The following BTBD9 variants were observed in gnomAD, a reference collection of about 807,000 sequenced individuals.
BTBD9 encodes the protein BTB domain containing 9, also known as BTB/POZ domain-containing protein 9.
Under a neutral mutation model 64.3 loss-of-function variants are expected in BTBD9, and 49 were observed. The observed-to-expected ratio is 0.76, with a 90% CI of 0.61 to 0.97. BTBD9 has a LOEUF of 0.97. Ranked by LOEUF, BTBD9 falls within the 50% of genes least tolerant of loss-of-function variation. The pLI, the probability that BTBD9 is intolerant of heterozygous loss-of-function variation, is 0.00. For synonymous variants in BTBD9, 260 were observed against 274.7 expected, an observed-to-expected ratio of 0.95 and a Z score of 0.53; for missense variants, 598 against 762.1, an observed-to-expected ratio of 0.78 and a Z score of 2.53.
intron 6 of BTBD9, among the ~76,000 whole-genome samples, chr6:38,381,783 C>T (rs577175689): frequency 3.3e-5 from 5 of 152,230 alleles, no homozygotes; most frequent in Non-Finnish European, 5.9e-5. Context: ...ACTCTACATA[C>T]ACACATACAT....
At chr6:38,494,614 C>G (rs774720574) in intron 6 of BTBD9, among the ~76,000 whole-genome samples, 23 of 152,264 alleles carry the variant, frequency 1.5e-4, no homozygotes, top group Non-Finnish European at 2.5e-4. Context: ...GTAAGCATAT[C>G]TTTTACTCAT....
intron 9 of BTBD9, among the ~76,000 whole-genome samples, chr6:38,254,092 T>G (rs148674781): frequency 6.6e-6 from 1 of 150,652 alleles, no homozygotes; most frequent in South Asian, 2.1e-4. Flanking sequence ...CAGAACTAGG[T>G]GTACCTTCTC....
At chr6:38,403,417 A>G (rs1447390469) in intron 6 of BTBD9, among the ~76,000 whole-genome samples, 2 of 152,244 alleles carry the variant, frequency 1.3e-5, no homozygotes, top group African/African-American at 4.8e-5. Flanking sequence ...AAAAAGGCAT[A>G]AAGAATCTGG....
rs1774034877 is a variant in BTBD9 at position 38,536,684 on chromosome 6, GTTA to G, written c.1154+40913_1154+40915del. ...CTATCATTTGCACAACATGGATGAG[GTTA>G]TTATGTTAAGTGAAATAAGCCAGGC... On this transcript the variant is annotated intron_variant, in intron 6 of 10. Coordinates refer to ENST00000481247, the MANE Select transcript of BTBD9 (RefSeq NM_001099272.2). Among the ~76,000 whole-genome samples, 14 of 152,214 alleles carry G rather than the reference GTTA, an allele frequency of 9.2e-5. 1 individual carries two copies. In the South Asian group the frequency reaches 2.5e-3, roughly 27 times the overall value.
chr6:38,606,333 C>A (rs1006232831), intron 1 of BTBD9, among the ~76,000 whole-genome samples: 7 of 152,032 alleles, frequency 4.6e-5, no homozygotes, highest in African/African-American at 1.7e-4. Flanking sequence ...CTCTAGAGAA[C>A]CCTAATACAC....
intron 8 of BTBD9, among the ~76,000 whole-genome samples, chr6:38,281,548 A>G (rs1032388674): frequency 6.6e-6 from 1 of 152,244 alleles, no homozygotes; most frequent in Non-Finnish European, 1.5e-5. Flanking sequence ...TTAACTTTTT[A>G]AAGTGGTAGA....
chr6:38,595,666 T>C, intron 2 of BTBD9: 2 of 505,006 alleles, frequency 4.0e-6, no homozygotes, highest in Non-Finnish European at 5.1e-6. Context: ...CAGGTTTACC[T>C]ACCTGGAACT....
Position 38,288,380 on chromosome 6 carries a change from T to C in BTBD9, c.1346A>G (p.Asn449Ser). The change falls in exon 8 of 11, where the codon AAT (asparagine) becomes AGT (serine). Residue 449 changes from asparagine to serine, a missense_variant. Coordinates refer to ENST00000481247, the MANE Select transcript of BTBD9 (RefSeq NM_001099272.2). ...CCAGTCATAATTCTTAGTGTCCCCA[T>C]TCAGCAAGGCATTTCGGCTCCGACT... The part of the protein sequence containing the change: ...GVSRSRNALL[N>S]GDTKNYDWDS... The C allele has an allele frequency of 1.9e-6, 3 of 1,614,124 alleles. No homozygotes were observed. Among genetic ancestry groups the C allele is most frequent in the Non-Finnish European group, 8.5e-7 (1 of 1,180,014 alleles).
chr6:38,564,004 A>G (rs544171902), intron 6 of BTBD9, among the ~76,000 whole-genome samples: 44 of 151,504 alleles, frequency 2.9e-4, no homozygotes, highest in South Asian at 1.7e-3. Context: ...GGATGGTATC[A>G]ATCTCCTGAC....
intron 4 of BTBD9, among the ~76,000 whole-genome samples, chr6:38,591,499 T>G (rs988512074): frequency 9.9e-5 from 15 of 152,182 alleles, no homozygotes; most frequent in African/African-American, 3.4e-4. Context: ...ATTTCCACAA[T>G]GAAATTAAAA....
rs115942321 is a variant in BTBD9, at chr6:38,458,642, T to C, written c.1155-113549A>G. On this transcript the variant is annotated intron_variant, in intron 6 of 10. Transcript: ENST00000481247. ...AACTAACCAAAGATACCTGACATCA[T>C]TCTAGCAGTTTTCAAAATATACTGT... Among the ~76,000 whole-genome samples, 1,398 of 152,352 alleles carry C rather than the reference T, an allele frequency of 9.2e-3. 19 individuals are homozygous for C. The highest frequency in any genetic ancestry group is 0.031 in the African/African-American group (1,281 of 41,582).
chr6:38,217,695 TTTTC>T (rs890419770), intron 9 of BTBD9, among the ~76,000 whole-genome samples: 10 of 60,612 alleles, frequency 1.6e-4, no homozygotes, highest in South Asian at 5.3e-4. Context: ...TTTTTTTCTT[TTTTC>T]TTTTTTTTTT....
chr6:38,228,488 G>A (rs934442395), intron 9 of BTBD9, among the ~76,000 whole-genome samples: 6 of 152,064 alleles, frequency 3.9e-5, no homozygotes, highest in Non-Finnish European at 8.8e-5. Flanking sequence ...TGATACTTGG[G>A]GAGGCTGTGC....
chr6:38,294,830 CA>C (rs35937473), intron 7 of BTBD9, among the ~76,000 whole-genome samples: 2,812 of 132,122 alleles, frequency 0.021, 23 homozygotes, highest in Middle Eastern at 0.03. Flanking sequence ...AATTTTGTGC[CA>C]AAAAAAAAAA....
intron 6 of BTBD9, among the ~76,000 whole-genome samples, chr6:38,543,763 T>C (rs939525794): frequency 3.9e-5 from 6 of 151,990 alleles, no homozygotes; most frequent in Admixed American, 6.6e-5. Flanking sequence ...CGAGACCATC[T>C]TGGCTAACAC....
chr6:38,449,510 C>T (rs1769424906), intron 6 of BTBD9, among the ~76,000 whole-genome samples: 1 of 149,714 alleles, frequency 6.7e-6, no homozygotes, highest in Admixed American at 6.7e-5. Context: ...CAAGAATATA[C>T]AATGGGGAAA....
intron 6 of BTBD9, among the ~76,000 whole-genome samples, chr6:38,424,463 A>C (rs1768053293): frequency 1.3e-5 from 2 of 152,018 alleles, no homozygotes; most frequent in South Asian, 2.1e-4. Flanking sequence ...AGATCTCTCA[A>C]CCTACTAGGT....
At chr6:38,506,510 A>G (rs1164928606) in intron 6 of BTBD9, among the ~76,000 whole-genome samples, 2 of 152,366 alleles carry the variant, frequency 1.3e-5, no homozygotes, top group African/African-American at 2.4e-5. Context: ...TATATCACAT[A>G]TCACTAACCT....
chr6:38,316,827 T>C (rs1763043550), intron 7 of BTBD9, among the ~76,000 whole-genome samples: 1 of 152,200 alleles, frequency 6.6e-6, no homozygotes, highest in Non-Finnish European at 1.5e-5. Flanking sequence ...TTAACAACCT[T>C]TCCTTTCGGA....
Sources: gnomAD v4.1 joint callset for allele counts (sites outside exome capture counted in the v4.1 genomes callset) on GRCh38, gnomAD v4.1.1 for gene constraint, MANE v1.5 for transcripts, NCBI Gene and HGNC (gene_info 2026-07-23, HGNC 2026-07-21) for gene names.